The following FSTL5 variants were observed in gnomAD, a reference collection of about 807,000 sequenced individuals.
The protein encoded by FSTL5 is follistatin-related protein 5.
In FSTL5, 62 loss-of-function variants were observed where a neutral mutation model predicts 89.1. The observed-to-expected ratio is 0.70, with a 90% CI of 0.57 to 0.86. The LOEUF (loss-of-function observed/expected upper bound fraction) is 0.86, where lower values mean the gene tolerates loss of function less well. Among genes scored for constraint, FSTL5 ranks in the 40% least tolerant of loss-of-function variants. The pLI, the probability that FSTL5 is intolerant of heterozygous loss-of-function variation, is 0.00. For synonymous variants in FSTL5, 383 were observed against 346.2 expected (o/e 1.11, Z -1.18); for missense variants, 1,057 against 1,001.6 (o/e 1.06, Z -0.75).
chr4:161,604,698 A>G, intron 7 of FSTL5, among the ~76,000 whole-genome samples: 1 of 152,110 alleles, frequency 6.6e-6, no homozygotes, highest in East Asian at 1.9e-4. Context: ...GAAACCCTTC[A>G]ATGAGAAGCC....
Position 161,984,243 on chromosome 4 carries a change from CAGAGT to C in FSTL5, c.160+49377_160+49381del. ...AAAATTACTAATAATTTTTTTCTAA[CAGAGT>C]AATGTGTAAAGTGAAATCAATTAGA... On this transcript the variant is annotated intron_variant, in intron 3 of 15. Transcript: ENST00000306100. Among the ~76,000 whole-genome samples the C allele has an allele frequency of 2.6e-5, 4 of 151,942 alleles. No homozygotes were observed. The South Asian group carries it at 8.3e-4, about 32-fold the overall frequency.
intron 1 of FSTL5, among the ~76,000 whole-genome samples, chr4:162,155,249 C>G (rs187736151): frequency 9.8e-4 from 149 of 152,254 alleles, no homozygotes; most frequent in Admixed American, 1.8e-3. Flanking sequence ...GATAAGTGAG[C>G]CTTTAAAAGC....
intron 8 of FSTL5, among the ~76,000 whole-genome samples, chr4:161,546,974 G>C (rs1476147573): frequency 6.6e-6 from 1 of 151,960 alleles, no homozygotes; most frequent in Non-Finnish European, 1.5e-5. Flanking sequence ...CAAAGTAATG[G>C]TGCATAATAT....
intron 1 of FSTL5, among the ~76,000 whole-genome samples, chr4:162,120,338 T>A (rs939799501): frequency 6.6e-6 from 1 of 152,120 alleles, no homozygotes; most frequent in Non-Finnish European, 1.5e-5. Flanking sequence ...ATTAGAACCA[T>A]GTTATGTGGT....
intron 4 of FSTL5, among the ~76,000 whole-genome samples, chr4:161,881,919 C>A (rs1328848922): frequency 4.6e-5 from 7 of 152,026 alleles, no homozygotes; most frequent in Admixed American, 1.3e-4. Context: ...TTAGCATTAA[C>A]CCTCAAAGAT....
At chr4:161,431,298 A>T (rs1467061890) in intron 15 of FSTL5, among the ~76,000 whole-genome samples, 2 of 152,126 alleles carry the variant, frequency 1.3e-5, no homozygotes, top group Admixed American at 1.3e-4. Context: ...AAAGTTTTTT[A>T]AAAAAGGAAA....
chr4:161,463,271 T>C (rs1018433627), intron 13 of FSTL5, among the ~76,000 whole-genome samples: 4 of 152,150 alleles, frequency 2.6e-5, no homozygotes, highest in Non-Finnish European at 5.9e-5. Flanking sequence ...TGCACTAAAT[T>C]CAGTTATTTT....
Position 161,746,613 on chromosome 4 carries a change from C to T in FSTL5, c.727+12798G>A, listed in dbSNP as rs1006264090. Among the ~76,000 whole-genome samples the T allele has an allele frequency of 3.9e-5, 6 of 152,214 alleles. No individual in the cohort carries two copies. The South Asian group carries it at 1.0e-3, about 26-fold the overall frequency. ...TTCTTGAAAATGAAATCATTGACCC[C>T]AAAATACCACTGATTGCACTATCTA... On this transcript the variant is annotated intron_variant, in intron 6 of 15. Transcript: ENST00000306100.
At chr4:161,957,101 A>G (rs76811724) in intron 3 of FSTL5, among the ~76,000 whole-genome samples, 8,403 of 152,064 alleles carry the variant, frequency 0.055, 323 homozygotes, top group Middle Eastern at 0.14. Context: ...TTATACACCA[A>G]TGTGCAAAGA....
rs138962268 is a variant in FSTL5 at position 162,109,265 on chromosome 4, T to C, written c.126+2006A>G. The stretch of plus-strand genomic sequence containing the variant: ...AATTCCTGAGGGCTGAATATGAGGG[T>C]TGACAATGAGTACAAAGTGTAAGAT... On this transcript the variant is annotated intron_variant, in intron 2 of 15. Coordinates refer to ENST00000306100, the MANE Select transcript of FSTL5 (RefSeq NM_020116.5). 1.2e-4 allele frequency among the ~76,000 whole-genome samples: 18 copies of C among 152,006 alleles called. No individual in the cohort carries two copies. In the East Asian group the frequency reaches 2.3e-3, roughly 20 times the overall value.
At chr4:162,125,024 G>A (rs79011195) in intron 1 of FSTL5, among the ~76,000 whole-genome samples, 20,760 of 152,054 alleles carry the variant, frequency 0.14, 1,942 homozygotes, top group Non-Finnish European at 0.19. Flanking sequence ...TCTTTAAAAA[G>A]CAAGCTGTAA....
intron 15 of FSTL5, among the ~76,000 whole-genome samples, chr4:161,401,162 G>A (rs901596909): frequency 1.3e-5 from 2 of 152,166 alleles, no homozygotes; most frequent in African/African-American, 4.8e-5. Flanking sequence ...ATACAGAGGT[G>A]AGGACAAACA....
intron 3 of FSTL5, among the ~76,000 whole-genome samples, chr4:161,923,769 TTTTCTCTTAAATCC>T (rs1482909237): frequency 6.6e-6 from 1 of 151,776 alleles, no homozygotes; most frequent in Non-Finnish European, 1.5e-5. Context: ...ATTTCCCATA[TTTTCTCTTAAATCC>T]TTTCTCTTAA....
At chr4:161,623,689 T>G (rs976208715) in intron 7 of FSTL5, among the ~76,000 whole-genome samples, 2 of 152,080 alleles carry the variant, frequency 1.3e-5, no homozygotes, top group Admixed American at 1.3e-4. Context: ...TATGGTGTTG[T>G]ATTTAGTATC....
intron 4 of FSTL5, among the ~76,000 whole-genome samples, chr4:161,872,137 T>G (rs1275295378): frequency 2.1e-5 from 1 of 48,186 alleles, no homozygotes; most frequent in Admixed American, 3.3e-4. Flanking sequence ...TGTTTTTTTT[T>G]TTGGTTTTTT....
At chr4:161,397,225 A>G (rs1035705127) in intron 15 of FSTL5, among the ~76,000 whole-genome samples, 5 of 152,128 alleles carry the variant, frequency 3.3e-5, no homozygotes, top group Non-Finnish European at 5.9e-5. Flanking sequence ...CTGATTTTAT[A>G]TAGTCCTTGT....
At chr4:162,079,102 T>C (rs565811797) in intron 2 of FSTL5, among the ~76,000 whole-genome samples, 122 of 151,898 alleles carry the variant, frequency 8.0e-4, no homozygotes, top group African/African-American at 2.9e-3. Flanking sequence ...CTCTACTCTA[T>C]ACCTGTTGCA....
intron 7 of FSTL5, among the ~76,000 whole-genome samples, chr4:161,651,436 GTACTA>G (rs1360801683): frequency 6.6e-6 from 1 of 151,356 alleles, no homozygotes; most frequent in East Asian, 1.9e-4. Flanking sequence ...ATCTTTCTTG[GTACTA>G]TATGTAACCT....
intron 12 of FSTL5, among the ~76,000 whole-genome samples, chr4:161,490,483 T>C (rs1729828444): frequency 6.6e-6 from 1 of 152,184 alleles, no homozygotes; most frequent in Non-Finnish European, 1.5e-5. Context: ...AGGTGGATTT[T>C]GTGACTGCTG....
Sources: allele counts gnomAD v4.1 joint callset (sites outside exome capture counted in the v4.1 genomes callset), GRCh38; gene constraint gnomAD v4.1.1; transcripts MANE v1.5; gene names NCBI Gene and HGNC (gene_info 2026-07-23, HGNC 2026-07-21).